Variants in NEMP2 observed in about 807,000 individuals in gnomAD.
NEMP2 encodes the protein UPF0571 transmembrane protein.
In NEMP2, 53 loss-of-function variants were observed where a neutral mutation model predicts 54.2. The ratio of observed to expected loss-of-function variants is 0.98; its 90% CI spans 0.78 to 1.23. NEMP2 has a LOEUF of 1.23. NEMP2 is among the 50% of genes most tolerant of loss of function. The pLI is 0.00. For synonymous variants in NEMP2, 197 were observed against 190.3 expected (o/e 1.04, Z -0.29); for missense variants, 455 against 511.3 (o/e 0.89, Z 1.06).
At chr2:190,448,067 T>G in the NEMP2 span, among the ~76,000 whole-genome samples, 143 of 152,316 alleles carry the variant, frequency 9.4e-4, no homozygotes, top group African/African-American at 3.3e-3. Flanking sequence ...TTGAGGTACT[T>G]GCTGAGTTAA....
chr2:190,450,231 A>G, the NEMP2 span, among the ~76,000 whole-genome samples: 4 of 152,226 alleles, frequency 2.6e-5, no homozygotes, highest in East Asian at 7.7e-4. Context: ...ATTTCTACAT[A>G]TACATGGAAA....
At position 190,514,918 on chromosome 2, in the gene NEMP2, GT is replaced by G. The variant is rs1209885176; in HGVS notation, c.728-241del. On this transcript the variant is annotated intron_variant, in intron 6 of 8. Coordinates refer to ENST00000409150, the MANE Select transcript of NEMP2 (RefSeq NM_001142645.2). The surrounding 1 kb of genome is among the most constrained non-coding windows in gnomAD (Gnocchi z 5.7). ...CATTATTATGATGATACATAAGTAT[GT>G]CTGTGTTTTAGTCCAGCACCCTGGC... Among the ~76,000 whole-genome samples the G allele has an allele frequency of 6.6e-6, 1 of 152,150 alleles. No homozygotes were observed. The highest frequency in any genetic ancestry group is 1.9e-4 in the East Asian group (1 of 5,198).
At chr2:190,618,508 A>G in the NEMP2 span, among the ~76,000 whole-genome samples, 1 of 152,154 alleles carries the variant, frequency 6.6e-6, no homozygotes, top group African/African-American at 2.4e-5. Context: ...CCGCTCTTCG[A>G]CCAAAGATAA....
chr2:190,621,833 G>A, the NEMP2 span, among the ~76,000 whole-genome samples: 1 of 152,226 alleles, frequency 6.6e-6, no homozygotes, highest in Non-Finnish European at 1.5e-5. Flanking sequence ...TGAGGGCTGG[G>A]CATGGTGGCT....
chr2:190,574,898 A>T, the NEMP2 span, among the ~76,000 whole-genome samples: 1 of 147,498 alleles, frequency 6.8e-6, no homozygotes, highest in South Asian at 2.1e-4. Flanking sequence ...GCTGTCGCCC[A>T]GGCTGGAGTA....
At chr2:190,500,295 G>A (rs562510153), downstream of NEMP2, 118 of 1,503,424 alleles carry the variant, frequency 7.8e-5, 1 homozygote, top group East Asian at 2.5e-3. This position sits in a 1 kb window ranked among gnomAD's most constrained non-coding sequence, Gnocchi z 5.3. Flanking sequence ...CCCCAGCCAG[G>A]ATATGCCTCC....
downstream of NEMP2, chr2:190,499,871 C>A (rs147620680): frequency 6.4e-7 from 1 of 1,552,550 alleles, no homozygotes; most frequent in South Asian, 1.2e-5. This position sits in a 1 kb window ranked among gnomAD's most constrained non-coding sequence, Gnocchi z 6.0. Context: ...GACATTCTAT[C>A]CTTATTCCTC....
rs568893180 is a variant in NEMP2, at chr2:190,533,251, G to A, written c.97+1308C>T. 6.6e-6 allele frequency among the ~76,000 whole-genome samples: 1 copy of A among 152,276 alleles called. No homozygotes were observed. Among genetic ancestry groups the A allele is most frequent in the East Asian group, 1.9e-4 (1 of 5,188 alleles). The stretch of plus-strand genomic sequence containing the variant: ...CCAAGGTGCTGGGTGCTGGTCTAAG[G>A]CTACTTCTAATTTTCTCGCTGTTGC... On this transcript the variant is annotated intron_variant, in intron 1 of 8. Transcript: ENST00000409150. This position sits in a 1 kb window ranked among gnomAD's most constrained non-coding sequence, Gnocchi z 4.3.
intron 1 of NEMP2, among the ~76,000 whole-genome samples, chr2:190,532,631 T>A (rs1320973345): frequency 2.0e-5 from 3 of 152,316 alleles, no homozygotes; most frequent in Admixed American, 6.5e-5. Flanking sequence ...ATGTTCTCCA[T>A]TCCATTGAAG....
the NEMP2 span, among the ~76,000 whole-genome samples, chr2:190,486,713 A>G: frequency 6.6e-6 from 1 of 152,304 alleles, no homozygotes; most frequent in South Asian, 2.1e-4. Context: ...TCAAATTTTA[A>G]AAGAATTTTG....
At chr2:190,645,336 C>T in the NEMP2 span, among the ~76,000 whole-genome samples, 1 of 152,044 alleles carries the variant, frequency 6.6e-6, no homozygotes, top group Non-Finnish European at 1.5e-5. Context: ...TTTATTAACC[C>T]TTTGTAATTT....
At chr2:190,568,141 C>T in the NEMP2 span, 2 of 152,016 alleles carry the variant, frequency 1.3e-5, no homozygotes, top group Non-Finnish European at 2.9e-5. The surrounding 1 kb of genome is among the most constrained non-coding windows in gnomAD (Gnocchi z 4.7). Flanking sequence ...ACATTGGATC[C>T]AAGAAATGGG....
At chr2:190,641,156 C>A in the NEMP2 span, 3 of 151,968 alleles carry the variant, frequency 2.0e-5, no homozygotes, top group Non-Finnish European at 4.4e-5. Flanking sequence ...GTACTTGGTA[C>A]TTTTTCTTTG....
chr2:190,545,764 TTC>T, the NEMP2 span, among the ~76,000 whole-genome samples: 5 of 152,110 alleles, frequency 3.3e-5, no homozygotes, highest in South Asian at 8.3e-4. Flanking sequence ...TGCTTCTATG[TTC>T]TCTCTCTCTC....
At chr2:190,453,312 C>G in the NEMP2 span, among the ~76,000 whole-genome samples, 37 of 152,060 alleles carry the variant, frequency 2.4e-4, no homozygotes, top group African/African-American at 8.4e-4. Context: ...GAAGAGGATC[C>G]TGGAGTTTGG....
chr2:190,553,138 T>C, the NEMP2 span: 1 of 152,160 alleles, frequency 6.6e-6, no homozygotes. Context: ...ATTCTTATTA[T>C]TGTAGAGGAA....
upstream of NEMP2, among the ~76,000 whole-genome samples, chr2:190,537,573 A>G (rs10208737): frequency 0.17 from 25,552 of 152,060 alleles, 2,311 homozygotes; most frequent in Middle Eastern, 0.23. Context: ...AGTCAATTAA[A>G]CCTCTTTCCT....
At chr2:190,435,676 A>G in the NEMP2 span, among the ~76,000 whole-genome samples, 69,958 of 152,092 alleles carry the variant, frequency 0.46, 16,459 homozygotes, top group Admixed American at 0.6. Context: ...TGGTTTAGAC[A>G]TAATCCCTAT....
chr2:190,556,514 G>T, the NEMP2 span, among the ~76,000 whole-genome samples: 1 of 152,074 alleles, frequency 6.6e-6, no homozygotes, highest in East Asian at 1.9e-4. Flanking sequence ...AAGCATATTT[G>T]ATTAGGAAGA....
Sources: gnomAD v4.1 joint callset for allele counts (sites outside exome capture counted in the v4.1 genomes callset) on GRCh38, gnomAD v4.1.1 for gene constraint, Gnocchi (gnomAD v3.1) non-coding constraint, MANE v1.5 for transcripts, NCBI Gene and HGNC (gene_info 2026-07-23, HGNC 2026-07-21) for gene names.